Variants in MEGF8 observed in about 807,000 individuals in gnomAD.
MEGF8 encodes the protein multiple epidermal growth factor-like domains protein 8.
MEGF8 carries 156 observed loss-of-function variants against 302.9 expected under a neutral mutation model. That is an observed-to-expected ratio of 0.52 (90% CI 0.45 to 0.59). The LOEUF is 0.59. MEGF8 is among the 20% of genes least tolerant of loss of function. The probability of loss-of-function intolerance (pLI) is 0.00; values close to 1 mark genes in which losing one functional copy is unlikely to be tolerated. For synonymous variants in MEGF8, 1,621 were observed against 1,660.5 expected, an observed-to-expected ratio of 0.98 and a Z score of 0.58; for missense variants, 3,345 against 3,964.5, an observed-to-expected ratio of 0.84 and a Z score of 4.20.
In MEGF8 at chr19:42,348,227, A is replaced by C. The variant is rs958488330; in HGVS notation, c.2098-45A>C. 2.0e-6 allele frequency: 3 copies of C among 1,484,292 alleles called. No individual in the cohort carries two copies. The African/African-American group carries it at 4.2e-5, about 21-fold the overall frequency. The allele number at this position is 1,484,292 out of a possible 1,614,324, so 91.9% of individuals were successfully genotyped here. The stretch of plus-strand genomic sequence containing the variant: ...TTTTCTGGCTCTGATGTGGCCTGTG[A>C]GTCCAGAAAGGGACTCACACATACA... On this transcript the variant is annotated intron_variant, in intron 12 of 41. Coordinates refer to ENST00000251268, the MANE Select transcript of MEGF8 (RefSeq NM_001271938.2).
At chr19:42,349,743 G>T (rs2147472900) in intron 14 of MEGF8, 44 bp downstream of exon 14, 2 of 1,584,524 alleles carry the variant, frequency 1.3e-6, no homozygotes, top group Non-Finnish European at 1.7e-6. Context: ...GCAGGCCCCA[G>T]CCTCAGATCA....
chr19:42,337,291 G>T, intron 8 of MEGF8, 85 bp downstream of exon 8: 1 of 1,577,958 alleles, frequency 6.3e-7, no homozygotes, highest in Non-Finnish European at 8.6e-7. Context: ...ACCTCAGTCC[G>T]TAAGGGTGAG....
chr19:42,354,694 G>A lies in MEGF8; in HGVS notation c.4118G>A (p.Arg1373Lys). The A allele has an allele frequency of 6.2e-7, 1 of 1,608,842 alleles. No homozygotes were observed. The part of the protein sequence containing the change: ...IAAFCGQRRD[R>K]PLTVQALSGL... ...GCCTTCTGCGGCCAGCGACGGGACA[G>A]GCCCCTCACTGTTCAGGCCCTGTCT... The change falls in exon 23 of 42, where the codon AGG becomes AAG. Residue 1373 changes from arginine (R) to lysine (K), a missense_variant. Physicochemically the swap from Arg to Lys is conservative, Grantham distance 26. Transcript: ENST00000251268. This position sits in a 1 kb window ranked among gnomAD's most constrained non-coding sequence, Gnocchi z 4.3.
rs1039748954 is a variant in MEGF8, at chr19:42,370,169, A to G, written c.6835-20A>G. ...TGATGACTCTCCAGCCTCTCTAACT[A>G]CCCTGTCCTGGGTTCTCAGGGCAGC... On this transcript the variant is annotated intron_variant, in intron 38 of 41. Coordinates refer to ENST00000251268, the MANE Select transcript of MEGF8 (RefSeq NM_001271938.2). 1 of 1,601,420 alleles carries G rather than the reference A, an allele frequency of 6.2e-7. No individual in the cohort carries two copies. Among genetic ancestry groups the G allele is most frequent in the Non-Finnish European group, 8.5e-7 (1 of 1,175,134 alleles).
chr19:42,369,099 A>G lies in MEGF8; in HGVS notation c.6641+97A>G. 1 of 1,467,146 alleles carries G rather than the reference A, an allele frequency of 6.8e-7. No homozygotes were observed. The highest frequency in any genetic ancestry group is 9.1e-7 in the Non-Finnish European group (1 of 1,095,294). 90.9% of individuals were successfully genotyped at this position (1,467,146 alleles called of 1,614,324 possible). A position where few individuals can be genotyped will look rare whatever the true frequency, so the allele number is the denominator to read the frequency against. On this transcript the variant is annotated intron_variant, in intron 37 of 41. Transcript: ENST00000251268. This position sits in a 1 kb window ranked among gnomAD's most constrained non-coding sequence, Gnocchi z 5.7. ...GGCCTAGAGCCAAGCAGGACAGAAGAAAAGAAAGCTCGAGGCATGAAGGCA... is the reference window on the plus strand; with the variant it reads ...GGCCTAGAGCCAAGCAGGACAGAAGGAAAGAAAGCTCGAGGCATGAAGGCA...
At position 42,335,354 on chromosome 19, in the gene MEGF8, C is replaced by T; in HGVS notation, c.797C>T (p.Thr266Ile). The change falls in exon 5 of 42, where the codon ACC becomes ATC. Residue 266 changes from threonine to isoleucine, a missense_variant. By Grantham distance (89) the Thr-to-Ile change is moderately conservative. Transcript: ENST00000251268. The part of the protein sequence containing the change: ...DLVLYNFSAN[T>I]WESWDLSPAP... ...GTCCTATACAACTTCTCCGCCAACA[C>T]CTGGGAGTCTTGGGACCTGAGTCCT... is the stretch of plus-strand genomic sequence containing the variant. 1.2e-6 allele frequency: 2 copies of T among 1,614,030 alleles called. No individual in the cohort carries two copies. The highest frequency in any genetic ancestry group is 1.7e-6 in the Non-Finnish European group (2 of 1,179,890).
In MEGF8 at chr19:42,354,594, T is replaced by C. The variant is rs1600054216; in HGVS notation, c.4018T>C (p.Tyr1340His). The change falls in exon 23 of 42, where the codon TAC (tyrosine) becomes CAC (histidine). Residue 1340 changes from tyrosine to histidine, a missense_variant. Transcript: ENST00000251268. The surrounding 1 kb of genome is among the most constrained non-coding windows in gnomAD (Gnocchi z 4.3). ...CGATTCTGCACCCCTCTAGCTGAGCTACGTCCTGGCGTTTGATGGATTCCC... is the reference window on the plus strand; with the variant it reads ...CGATTCTGCACCCCTCTAGCTGAGCCACGTCCTGGCGTTTGATGGATTCCC... ...PDSSTPCTLS[Y>H]VLAFDGFPRF... 6.2e-7 allele frequency: 1 copy of C among 1,612,166 alleles called. No individual in the cohort carries two copies. Among genetic ancestry groups the C allele is most frequent in the East Asian group, 2.2e-5 (1 of 44,836 alleles).
chr19:42,374,961 G>A lies in MEGF8; in HGVS notation c.7270-546G>A, dbSNP rs74967225. 2.2e-3 allele frequency among the ~76,000 whole-genome samples: 333 copies of A among 152,326 alleles called. 2 individuals carry two copies. Among genetic ancestry groups the A allele is most frequent in the African/African-American group, 7.8e-3 (324 of 41,572 alleles). On this transcript the variant is annotated intron_variant, in intron 41 of 41. Coordinates refer to ENST00000251268, the MANE Select transcript of MEGF8 (RefSeq NM_001271938.2). ...GACAAGTGACAGGAGAACCATGCAG[G>A]CAGAGGGTCCGCCAGTGCAAAGGCC...
Position 42,336,299 on chromosome 19 carries a change from C to A in MEGF8, c.1197C>A (p.Pro399=), listed in dbSNP as rs149190709. The part of the protein sequence containing the change: ...ATGHSMVFHA[P]SRALLVHGGH... ...GCCACTCCATGGTGTTCCATGCCCCCTCCCGTGCCCTGCTGGTCCATGGTG... is the reference window on the plus strand; with the variant it reads ...GCCACTCCATGGTGTTCCATGCCCCATCCCGTGCCCTGCTGGTCCATGGTG... Residue 399 remains proline (P), a synonymous_variant, in exon 6 of 42, where the codon CCC becomes CCA. Transcript: ENST00000251268. This position sits in a 1 kb window ranked among gnomAD's most constrained non-coding sequence, Gnocchi z 4.8. 5.0e-6 allele frequency: 8 copies of A among 1,607,314 alleles called. No homozygotes were observed. The African/African-American group carries it at 9.3e-5, about 19-fold the overall frequency.
At chr19:42,367,174 T>C (rs2147504220) in intron 35 of MEGF8, among the ~76,000 whole-genome samples, 1 of 152,350 alleles carries the variant, frequency 6.6e-6, no homozygotes, top group Non-Finnish European at 1.5e-5. Context: ...CAAATATGGC[T>C]TGTGAGTTGC....
At chr19:42,370,058 A>T in intron 38 of MEGF8, 131 bp from the exon 39 acceptor site, 1 of 1,046,802 alleles carries the variant, frequency 9.6e-7, no homozygotes, top group Non-Finnish European at 1.4e-6. Context: ...TCCCGCTGGG[A>T]TTGTCCAAAC....
intron 9 of MEGF8, 90 bp downstream of exon 9, chr19:42,343,721 G>T: frequency 6.9e-7 from 1 of 1,441,790 alleles, no homozygotes; most frequent in Non-Finnish European, 9.2e-7. Flanking sequence ...GGGGATCCCT[G>T]GGAGAAGGAG....
In MEGF8 at chr19:42,368,746, C is replaced by G. The variant is rs992685282; in HGVS notation, c.6481+84C>G. 16 of 1,554,296 alleles carry G rather than the reference C, an allele frequency of 1.0e-5. 1 individual carries two copies. The highest frequency in any genetic ancestry group is 1.9e-5 in the Admixed American group (1 of 54,030). Reference sequence around the variant, plus strand: ...GTGAACATAGGGATACTGGGCCAGACCCAGAGGTGGGGCTCAGAGGAGGCA... The same window carrying G: ...GTGAACATAGGGATACTGGGCCAGAGCCAGAGGTGGGGCTCAGAGGAGGCA... On this transcript the variant is annotated intron_variant, in intron 36 of 41. Coordinates refer to ENST00000251268, the MANE Select transcript of MEGF8 (RefSeq NM_001271938.2). The surrounding 1 kb of genome is among the most constrained non-coding windows in gnomAD (Gnocchi z 4.9).
Position 42,356,909 on chromosome 19 carries a change from A to C in MEGF8, c.4758A>C (p.Gly1586=). ...AGRGAMYLLG[G]LTAGGVTRDF... ...GTGGTGCCATGTATCTGCTGGGGGG[A>C]CTTACCGCTGGAGGCGTCACCCGTG... Residue 1586 remains glycine (G), a synonymous_variant, in exon 27 of 42, where the codon GGA becomes GGC. Transcript: ENST00000251268. This position sits in a 1 kb window ranked among gnomAD's most constrained non-coding sequence, Gnocchi z 5.2. 1 of 1,609,702 alleles carries C rather than the reference A, an allele frequency of 6.2e-7. No individual in the cohort carries two copies. Among genetic ancestry groups the C allele is most frequent in the East Asian group, 2.2e-5 (1 of 44,750 alleles).
At position 42,362,176 on chromosome 19, in the gene MEGF8, C is replaced by T; in HGVS notation, c.5807C>T (p.Ala1936Val). ...RRLRTCSECL[A>V]RHPRTLQPGD... ...CTCCGGACCTGCAGTGAGTGCCTGG[C>T]CCGCCATCCTCGGACCCTGCAACCT... The change falls in exon 33 of 42, where the codon GCC becomes GTC. Residue 1936 changes from alanine (A) to valine (V), a missense_variant. Physicochemically the swap from Ala to Val is moderately conservative, Grantham distance 64 (BLOSUM62 0). Coordinates refer to ENST00000251268, the MANE Select transcript of MEGF8 (RefSeq NM_001271938.2). The T allele has an allele frequency of 6.2e-7, 1 of 1,610,500 alleles. No individual in the cohort carries two copies. Among genetic ancestry groups the T allele is most frequent in the Non-Finnish European group, 8.5e-7 (1 of 1,178,884 alleles).
chr19:42,343,798 G>T (rs1034889679), intron 9 of MEGF8, among the ~76,000 whole-genome samples, 156 bp from the exon 10 acceptor site: 2 of 152,012 alleles, frequency 1.3e-5, no homozygotes, highest in Admixed American at 1.3e-4. Context: ...GGAGCTAGAG[G>T]TCCCTGGGCC....
In MEGF8 at chr19:42,352,402, A is replaced by G; in HGVS notation, c.3296A>G (p.Glu1099Gly). ...TGCCTGAACACGCCCCTCAGCTACG[A>G]GTGTCACTGCCAGCGGGGCTACCAG... ...ATCLNTPLSY[E>G]CHCQRGYQGD... Residue 1099 changes from glutamate (E) to glycine (G), a missense_variant, in exon 19 of 42, where the codon GAG becomes GGG. By Grantham distance (98) the Glu-to-Gly change is moderately conservative. Coordinates refer to ENST00000251268, the MANE Select transcript of MEGF8 (RefSeq NM_001271938.2). The surrounding 1 kb of genome is among the most constrained non-coding windows in gnomAD (Gnocchi z 4.4). 6.3e-7 allele frequency: 1 copy of G among 1,598,774 alleles called. No individual in the cohort carries two copies. The highest frequency in any genetic ancestry group is 1.3e-5 in the African/African-American group (1 of 74,772).
intron 8 of MEGF8, among the ~76,000 whole-genome samples, chr19:42,338,272 C>G (rs1045334994): frequency 3.3e-5 from 5 of 150,550 alleles, no homozygotes; most frequent in Non-Finnish European, 5.9e-5. Context: ...TGGAGTCTTA[C>G]TGTGTTGCCC....
chr19:42,351,379 G>C lies in MEGF8; in HGVS notation c.2855+45G>C. 2 of 1,572,490 alleles carry C rather than the reference G, an allele frequency of 1.3e-6. No homozygotes were observed. The highest frequency in any genetic ancestry group is 1.7e-6 in the Non-Finnish European group (2 of 1,158,968). ...GGGAGTGGGTGGGTGGATGTGCCTG[G>C]GGATGTGTGCTGGCTGTGGAGTGAC... On this transcript the variant is annotated intron_variant, in intron 16 of 41. Coordinates refer to ENST00000251268, the MANE Select transcript of MEGF8 (RefSeq NM_001271938.2). This position sits in a 1 kb window ranked among gnomAD's most constrained non-coding sequence, Gnocchi z 5.6.
Sources: gnomAD v4.1 joint callset for allele counts (sites outside exome capture counted in the v4.1 genomes callset) on GRCh38, gnomAD v4.1.1 for gene constraint, Gnocchi (gnomAD v3.1) non-coding constraint, MANE v1.5 for transcripts, NCBI Gene and HGNC (gene_info 2026-07-23, HGNC 2026-07-21) for gene names.